The following VTCN1 variants were observed in gnomAD, a reference collection of about 807,000 sequenced individuals.
The protein encoded by VTCN1 is V-set domain containing T cell activation inhibitor 1.
A neutral mutation model predicts 26.5 loss-of-function variants in VTCN1; 26 were observed. The observed-to-expected ratio is 0.98, with a 90% CI of 0.72 to 1.36. The LOEUF is 1.36. VTCN1 is among the 40% of genes most tolerant of loss of function. VTCN1 has a pLI of 0.00. For synonymous variants in VTCN1, 116 were observed against 130.7 expected (o/e 0.89, Z 0.77); for missense variants, 298 against 337.7 (o/e 0.88, Z 0.92).
intron 1 of VTCN1, among the ~76,000 whole-genome samples, chr1:117,207,731 A>T (rs1301556528): frequency 6.6e-6 from 1 of 151,950 alleles, no homozygotes; most frequent in Non-Finnish European, 1.5e-5. Context: ...AACTCACTGC[A>T]CCCAATCCAG....
chr1:117,203,873 G>T (rs1311479676), intron 1 of VTCN1: 1 of 780,540 alleles, frequency 1.3e-6, no homozygotes, highest in Non-Finnish European at 1.6e-6. Context: ...TTGCAGGATG[G>T]GGGGAATGAA....
At chr1:117,191,998 A>G (rs1011658417) in intron 1 of VTCN1, among the ~76,000 whole-genome samples, 6 of 147,762 alleles carry the variant, frequency 4.1e-5, no homozygotes, top group African/African-American at 1.5e-4. Flanking sequence ...AAATTTCCCA[A>G]TTCTTAGGAG....
intron 1 of VTCN1, chr1:117,173,140 G>GAGCA: frequency 1.4e-6 from 1 of 714,164 alleles, no homozygotes; most frequent in South Asian, 1.5e-5. Flanking sequence ...AACAACTCCG[G>GAGCA]AACAAACAAC....
rs1340075012 is a variant in VTCN1, at chr1:117,145,777, G to A, written c.*46-552C>T. Among the ~76,000 whole-genome samples the A allele has an allele frequency of 6.6e-6, 1 of 152,076 alleles. No individual in the cohort carries two copies. Reference sequence around the variant, plus strand: ...GCCTCCTGAGTAGCTGGGACCACAGGTGGACCTCCACACCTGGCTAATTTT... The same window carrying A: ...GCCTCCTGAGTAGCTGGGACCACAGATGGACCTCCACACCTGGCTAATTTT... On this transcript the variant is annotated intron_variant, in intron 5 of 5. Transcript: ENST00000369458. This position sits in a 1 kb window ranked among gnomAD's most constrained non-coding sequence, Gnocchi z 4.6.
chr1:117,178,191 G>T (rs1647467151), intron 1 of VTCN1, among the ~76,000 whole-genome samples: 1 of 151,444 alleles, frequency 6.6e-6, no homozygotes, highest in Non-Finnish European at 1.5e-5. Flanking sequence ...CTCCCATTTT[G>T]GTCTCCAAAA....
chr1:117,181,118 T>C (rs1314433979), intron 1 of VTCN1, among the ~76,000 whole-genome samples: 3 of 152,228 alleles, frequency 2.0e-5, no homozygotes, highest in Non-Finnish European at 2.9e-5. Context: ...ATTTTAAAAC[T>C]ATAAATGTTA....
intron 1 of VTCN1, among the ~76,000 whole-genome samples, chr1:117,205,053 A>G (rs1478123268): frequency 1.4e-5 from 2 of 146,786 alleles, no homozygotes. Context: ...CTGTATATGT[A>G]TATATATGTA....
chr1:117,200,896 C>T (rs1264991148), intron 1 of VTCN1, among the ~76,000 whole-genome samples: 3 of 152,046 alleles, frequency 2.0e-5, no homozygotes, highest in South Asian at 2.1e-4. Context: ...GGACTATAGG[C>T]GTAATCCCAG....
chr1:117,192,524 G>C (rs777872325), intron 1 of VTCN1, among the ~76,000 whole-genome samples: 1 of 152,110 alleles, frequency 6.6e-6, no homozygotes, highest in Non-Finnish European at 1.5e-5. Flanking sequence ...TGTGGTACAG[G>C]AATCACATTA....
chr1:117,184,661 C>T (rs2101564376), intron 1 of VTCN1, among the ~76,000 whole-genome samples: 1 of 152,266 alleles, frequency 6.6e-6, no homozygotes, highest in East Asian at 1.9e-4. Flanking sequence ...CTCCTTTCTT[C>T]ACTTGGTGCC....
intron 3 of VTCN1, among the ~76,000 whole-genome samples, chr1:117,154,512 A>C (rs1193260364): frequency 6.6e-6 from 1 of 152,224 alleles, no homozygotes; most frequent in Non-Finnish European, 1.5e-5. Context: ...GGCCAGGCGC[A>C]GTGGCACACG....
At chr1:117,150,350 G>C (rs916748410) in intron 4 of VTCN1, among the ~76,000 whole-genome samples, 1 of 152,214 alleles carries the variant, frequency 6.6e-6, no homozygotes, top group East Asian at 1.9e-4. Context: ...AGTAAAGAGA[G>C]AATTAAGTAG....
chr1:117,152,218 G>C (rs1476022086), intron 4 of VTCN1, among the ~76,000 whole-genome samples: 2 of 151,964 alleles, frequency 1.3e-5, no homozygotes, highest in Non-Finnish European at 2.9e-5. Context: ...AGATAATTTT[G>C]GGTTCATATG....
rs12565256 is a variant in VTCN1, at chr1:117,146,344, T to G, written c.*46-1119A>C. On this transcript the variant is annotated intron_variant, in intron 5 of 5. Coordinates refer to ENST00000369458, the MANE Select transcript of VTCN1 (RefSeq NM_024626.4). The surrounding 1 kb of genome is among the most constrained non-coding windows in gnomAD (Gnocchi z 4.2). ...CGGGTTTCCTTACAAAGAATCTCCT[T>G]TGTTCACTGCACTATAGTGAAATCT... 0.055 allele frequency among the ~76,000 whole-genome samples: 8,309 copies of G among 152,276 alleles called. 276 individuals are homozygous for G. The highest frequency in any genetic ancestry group is 0.079 in the South Asian group (381 of 4,818).
At chr1:117,208,242 C>A (rs1161865315) in intron 1 of VTCN1, among the ~76,000 whole-genome samples, 1 of 152,208 alleles carries the variant, frequency 6.6e-6, no homozygotes, top group Non-Finnish European at 1.5e-5. Context: ...ACACACCATG[C>A]TCATTCATGA....
chr1:117,152,902 T>A (rs1212540467), intron 4 of VTCN1, among the ~76,000 whole-genome samples, 189 bp downstream of exon 4: 1 of 152,292 alleles, frequency 6.6e-6, no homozygotes, highest in East Asian at 1.9e-4. Flanking sequence ...CTATATGCCA[T>A]ACATATTGTT....
intron 1 of VTCN1, among the ~76,000 whole-genome samples, chr1:117,201,481 C>T (rs1018217365): frequency 1.3e-5 from 2 of 152,196 alleles, no homozygotes. Flanking sequence ...CTGATCTCCC[C>T]CTTTCCCTGC....
rs150392361 is a variant in VTCN1 at position 117,149,116 on chromosome 1, T to C, written c.725-1334A>G. On this transcript the variant is annotated intron_variant, in intron 4 of 5. Coordinates refer to ENST00000369458, the MANE Select transcript of VTCN1 (RefSeq NM_024626.4). ...AGATGACACTGGTGGGGATCCCTTCTCATAAAAGGAAATATATGGAGTAAG... is the reference window on the plus strand; with the variant it reads ...AGATGACACTGGTGGGGATCCCTTCCCATAAAAGGAAATATATGGAGTAAG... Among the ~76,000 whole-genome samples the C allele has an allele frequency of 6.7e-4, 102 of 152,282 alleles. 1 individual carries two copies. Among genetic ancestry groups the C allele is most frequent in the African/African-American group, 2.4e-3 (98 of 41,576 alleles).
intron 1 of VTCN1, among the ~76,000 whole-genome samples, chr1:117,197,842 T>C (rs1370348740): frequency 6.6e-6 from 1 of 152,212 alleles, no homozygotes; most frequent in African/African-American, 2.4e-5. Context: ...ATCTGAAAGA[T>C]GGCATGGCTT....
Sources: gnomAD v4.1 joint callset for allele counts (sites outside exome capture counted in the v4.1 genomes callset) on GRCh38, gnomAD v4.1.1 for gene constraint, Gnocchi (gnomAD v3.1) non-coding constraint, MANE v1.5 for transcripts, NCBI Gene and HGNC (gene_info 2026-07-23, HGNC 2026-07-21) for gene names.